EIF2AK4: variants seen among roughly 807,000 people sequenced by gnomAD.
EIF2AK4 encodes the protein eIF-2-alpha kinase GCN2.
EIF2AK4 carries 139 observed loss-of-function variants against 211.1 expected under a neutral mutation model. The ratio of observed to expected loss-of-function variants is 0.66; its 90% confidence interval spans 0.57 to 0.76. The LOEUF (loss-of-function observed/expected upper bound fraction) is 0.76. Ranked by LOEUF, EIF2AK4 falls within the 30% of genes least tolerant of loss-of-function variation. The pLI is 0.00. For missense variants in EIF2AK4, 1,664 were observed against 2,043.8 expected (o/e 0.81, Z 3.58); for synonymous variants, 710 against 751.3 (o/e 0.94, Z 0.90).
intron 27 of EIF2AK4, among the ~76,000 whole-genome samples, chr15:40,012,194 A>C (rs2035244180): frequency 6.6e-6 from 1 of 152,240 alleles, no homozygotes; most frequent in South Asian, 2.1e-4. Context: ...GCAGGGATAT[A>C]AAGAAGAGTC....
In EIF2AK4 at chr15:39,973,652, C is replaced by T; in HGVS notation, c.1721C>T (p.Ala574Val). The change falls in exon 11 of 39, where the codon GCC becomes GTC. Residue 574 changes from alanine to valine, a missense_variant. Around this residue, in one of 7 missense-constraint regions of EIF2AK4, gnomAD observed 641 missense variants for 729.6 expected, o/e 0.88. Coordinates refer to ENST00000263791, the MANE Select transcript of EIF2AK4 (RefSeq NM_001013703.4). ...CCTAGCAACCGGCTACCCAGTGCTG[C>T]CTTCTTTAGTGAGACACAGAGACAG... is the stretch of plus-strand genomic sequence containing the variant. Reference protein sequence around the residue: ...VIPSNRLPSAAFFSETQRQFS... With the variant: ...VIPSNRLPSAVFFSETQRQFS... The T allele has an allele frequency of 6.2e-7, 1 of 1,614,158 alleles. No individual in the cohort carries two copies. Among genetic ancestry groups the T allele is most frequent in the Non-Finnish European group, 8.5e-7 (1 of 1,179,998 alleles).
chr15:40,003,325 G>C lies in EIF2AK4; in HGVS notation c.3357+11G>C, dbSNP rs776116739. 5 of 1,613,738 alleles carry C rather than the reference G, an allele frequency of 3.1e-6. No homozygotes were observed. The East Asian group carries it at 8.9e-5, about 29-fold the overall frequency. ...CCTTTTGACCTGCGGGTGAGGCTGG[G>C]AACACACTGCTGACAATCAGAATGC... On this transcript the variant is annotated intron_variant, in intron 23 of 38. Coordinates refer to ENST00000263791, the MANE Select transcript of EIF2AK4 (RefSeq NM_001013703.4).
chr15:39,972,506 A>G (rs934459331), intron 9 of EIF2AK4, among the ~76,000 whole-genome samples: 1 of 151,860 alleles, frequency 6.6e-6, no homozygotes, highest in Non-Finnish European at 1.5e-5. Context: ...TGCTGCACCA[A>G]CTCTCTGATT....
intron 6 of EIF2AK4, among the ~76,000 whole-genome samples, chr15:39,960,361 G>A (rs1481179995): frequency 2.0e-5 from 3 of 151,960 alleles, no homozygotes; most frequent in African/African-American, 7.3e-5. Flanking sequence ...AACAGGGCAG[G>A]GGAGATAGAG....
At chr15:40,025,440 C>G (rs2035454249) in intron 32 of EIF2AK4, among the ~76,000 whole-genome samples, 1 of 152,130 alleles carries the variant, frequency 6.6e-6, no homozygotes, top group Admixed American at 6.5e-5. Flanking sequence ...GAATATCAAA[C>G]TAGCCTAGGC....
Position 39,985,832 on chromosome 15 carries a change from T to C in EIF2AK4, c.2347T>C (p.Cys783Arg). 6.2e-7 allele frequency: 1 copy of C among 1,614,120 alleles called. No homozygotes were observed. Among genetic ancestry groups the C allele is most frequent in the Non-Finnish European group, 8.5e-7 (1 of 1,180,002 alleles). Residue 783 changes from cysteine (C) to arginine (R), a missense_variant, in exon 14 of 39, where the codon TGC (cysteine) becomes CGC (arginine). Physicochemically the swap from Cys to Arg is radical, Grantham distance 180 (BLOSUM62 -3). This residue lies in a region of EIF2AK4 where 206 missense variants were observed against 201.9 expected (regional missense o/e 1.02). Coordinates refer to ENST00000263791, the MANE Select transcript of EIF2AK4 (RefSeq NM_001013703.4). ...TGAAGATTGCAATGAAAAGAATGGC[T>C]GCCATGAAAGTGAGCCATCAGTGAC... ...QDEDCNEKNG[C>R]HESEPSVTTE...
At chr15:39,939,715 C>A in intron 2 of EIF2AK4, 98 bp downstream of exon 2, 1 of 887,694 alleles carries the variant, frequency 1.1e-6, no homozygotes, top group Non-Finnish European at 1.6e-6. Flanking sequence ...CTTCCTGCTC[C>A]CATTCCACAT....
At chr15:39,994,250 T>C (rs139750715) in intron 18 of EIF2AK4, among the ~76,000 whole-genome samples, 4 of 152,126 alleles carry the variant, frequency 2.6e-5, no homozygotes, top group African/African-American at 9.7e-5. Flanking sequence ...AGCACACAGA[T>C]AGGATTTAAA....
intron 13 of EIF2AK4, among the ~76,000 whole-genome samples, chr15:39,984,374 C>T (rs562814791): frequency 3.4e-4 from 51 of 151,818 alleles, no homozygotes; most frequent in African/African-American, 1.2e-3. Flanking sequence ...AGTAGCTTTT[C>T]CTAATTCTGT....
At chr15:40,004,833 G>T (rs998635602) in intron 23 of EIF2AK4, among the ~76,000 whole-genome samples, 1 of 152,206 alleles carries the variant, frequency 6.6e-6, no homozygotes, top group African/African-American at 2.4e-5. Flanking sequence ...TGGAATTACA[G>T]GCATGAGCCG....
chr15:40,009,697 C>T lies in EIF2AK4; in HGVS notation c.3660C>T (p.Leu1220=). 1 of 1,608,400 alleles carries T rather than the reference C, an allele frequency of 6.2e-7. No individual in the cohort carries two copies. Among genetic ancestry groups the T allele is most frequent in the Non-Finnish European group, 8.5e-7 (1 of 1,176,452 alleles). ...LLHCGIPEDK[L]SQVYIILYDA... is the part of the protein sequence containing the mutation. ...ACTGTGGGATCCCAGAAGATAAACT[C>T]AGTCAAGTCTACATTATTCTGTATG... The change falls in exon 26 of 39, where the codon CTC becomes CTT. Residue 1220 remains leucine (L), a synonymous_variant. Coordinates refer to ENST00000263791, the MANE Select transcript of EIF2AK4 (RefSeq NM_001013703.4).
intron 14 of EIF2AK4, 45 bp downstream of exon 14, chr15:39,985,933 G>A: frequency 6.4e-7 from 1 of 1,559,172 alleles, no homozygotes; most frequent in Non-Finnish European, 8.8e-7. Flanking sequence ...ACACCCAGTA[G>A]TGGCGGGTGG....
intron 11 of EIF2AK4, chr15:39,974,397 G>A (rs1198583389): frequency 6.6e-6 from 1 of 152,140 alleles, no homozygotes; most frequent in Non-Finnish European, 1.5e-5. Flanking sequence ...TACAGTACAT[G>A]TCATCTTTCA....
At position 40,035,026 on chromosome 15, in the gene EIF2AK4, G is replaced by T; in HGVS notation, c.4893-1G>T. 1 of 1,576,850 alleles carries T rather than the reference G, an allele frequency of 6.3e-7. No homozygotes were observed. The highest frequency in any genetic ancestry group is 8.6e-7 in the Non-Finnish European group (1 of 1,162,970). ...CTTATATCTTTTCTTTTCTTTTGCA[G>T]GGTGTCTGTGCTATTTCTGTACAGC... On this transcript the variant is annotated splice_acceptor_variant, in intron 38 of 38. Transcript: ENST00000263791. LOFTEE classifies it high-confidence loss of function.
intron 9 of EIF2AK4, among the ~76,000 whole-genome samples, chr15:39,972,086 C>T (rs2034633164): frequency 2.0e-5 from 3 of 151,838 alleles, no homozygotes; most frequent in African/African-American, 4.8e-5. Context: ...AGGCCGGGCA[C>T]GGTGGCTCAC....
At chr15:39,968,936 T>C (rs945992021) in intron 9 of EIF2AK4, among the ~76,000 whole-genome samples, 1 of 151,940 alleles carries the variant, frequency 6.6e-6, no homozygotes, top group African/African-American at 2.4e-5. Flanking sequence ...AGTTTGATTC[T>C]TTATGTTGGT....
chr15:39,950,509 C>T (rs987729912), intron 4 of EIF2AK4, among the ~76,000 whole-genome samples: 4 of 150,826 alleles, frequency 2.7e-5, no homozygotes, highest in African/African-American at 2.4e-5. Flanking sequence ...GAGAATTGCT[C>T]GAACCCGGGA....
At chr15:39,964,639 AAAAG>A (rs1322712272) in intron 7 of EIF2AK4, among the ~76,000 whole-genome samples, 1 of 152,194 alleles carries the variant, frequency 6.6e-6, no homozygotes, top group Non-Finnish European at 1.5e-5. Context: ...AGAGGGAACT[AAAAG>A]AAAAATAAAA....
Position 39,934,216 on chromosome 15 carries a change from C to A in EIF2AK4, c.21C>A (p.Ala7=), listed in dbSNP as rs748385840. The A allele has an allele frequency of 6.3e-7, 1 of 1,585,070 alleles. No individual in the cohort carries two copies. The highest frequency in any genetic ancestry group is 2.3e-5 in the East Asian group (1 of 43,400). MAGGRG[A]PGRGRDEPPE... ...CTGCCATGGCTGGGGGCCGTGGGGCCCCCGGGCGCGGCCGGGACGAGCCTC... is the reference window on the plus strand; with the variant it reads ...CTGCCATGGCTGGGGGCCGTGGGGCACCCGGGCGCGGCCGGGACGAGCCTC... The change falls in exon 1 of 39, where the codon GCC becomes GCA. Residue 7 remains alanine, a synonymous_variant. Transcript: ENST00000263791.
Sources: allele counts gnomAD v4.1 joint callset (sites outside exome capture counted in the v4.1 genomes callset), GRCh38; gene constraint gnomAD v4.1.1; regional missense constraint gnomAD v4.1.1; transcripts MANE v1.5; gene names NCBI Gene and HGNC (gene_info 2026-07-23, HGNC 2026-07-21).